The following PPP2R2B variants were observed in gnomAD, a reference collection of about 807,000 sequenced individuals.
PPP2R2B encodes protein phosphatase 2 regulatory subunit Bbeta, also known as serine/threonine-protein phosphatase 2A 55 kDa regulatory subunit B beta isoform.
Under a neutral mutation model 46.0 loss-of-function variants are expected in PPP2R2B, and 5 were observed. That is an observed-to-expected ratio of 0.11 (90% CI 0.06 to 0.23). The LOEUF (loss-of-function observed/expected upper bound fraction) is 0.23. PPP2R2B is among the 10% of genes least tolerant of loss of function. The pLI, the probability that PPP2R2B is intolerant of heterozygous loss-of-function variation, is 1.00. For synonymous variants in PPP2R2B, 215 were observed against 206.7 expected (o/e 1.04, Z -0.34); for missense variants, 367 against 575.0 (o/e 0.64, Z 3.70).
intron 1 of PPP2R2B, among the ~76,000 whole-genome samples, chr5:147,025,498 T>C (rs961209641): frequency 2.0e-5 from 3 of 151,850 alleles, no homozygotes; most frequent in African/African-American, 7.2e-5. Context: ...AAAATCTTTA[T>C]AACCTTAAGT....
intron 6 of PPP2R2B, among the ~76,000 whole-genome samples, chr5:146,641,381 A>T (rs912984205): frequency 2.0e-5 from 3 of 152,156 alleles, no homozygotes; most frequent in Admixed American, 1.3e-4. Context: ...TCCTTTGAAA[A>T]GACCCCCAGC....
chr5:146,923,010 G>A, intron 1 of PPP2R2B, among the ~76,000 whole-genome samples: 1 of 152,272 alleles, frequency 6.6e-6, no homozygotes, highest in East Asian at 1.9e-4. Flanking sequence ...AGGAAGCCAA[G>A]AAGAAAAATG....
chr5:146,810,988 C>T (rs1757506588), intron 2 of PPP2R2B, among the ~76,000 whole-genome samples: 1 of 150,274 alleles, frequency 6.7e-6, no homozygotes, highest in African/African-American at 2.4e-5. Flanking sequence ...GTTTTTTGTC[C>T]TTGTGATAGT....
At chr5:146,648,961 AG>A (rs1252560698) in intron 6 of PPP2R2B, among the ~76,000 whole-genome samples, 1 of 152,166 alleles carries the variant, frequency 6.6e-6, no homozygotes, top group Non-Finnish European at 1.5e-5. Flanking sequence ...TTTTATTCTG[AG>A]TTTAGTGGGA....
intron 1 of PPP2R2B, among the ~76,000 whole-genome samples, chr5:146,979,262 G>A (rs887739896): frequency 6.6e-6 from 1 of 151,732 alleles, no homozygotes; most frequent in Admixed American, 6.6e-5. Context: ...AACATCTCTG[G>A]CCCTTCTATC....
chr5:146,805,079 A>C (rs1241748692), intron 2 of PPP2R2B, among the ~76,000 whole-genome samples: 1 of 152,224 alleles, frequency 6.6e-6, no homozygotes, highest in East Asian at 1.9e-4. Flanking sequence ...GGAAGAGATT[A>C]ACTTTATTGC....
At chr5:147,006,612 A>G (rs1754452779) in intron 1 of PPP2R2B, among the ~76,000 whole-genome samples, 1 of 152,128 alleles carries the variant, frequency 6.6e-6, no homozygotes, top group Non-Finnish European at 1.5e-5. Flanking sequence ...CCACACTCTC[A>G]GAGGATTTCT....
At chr5:147,005,982 G>A (rs980392830) in intron 1 of PPP2R2B, among the ~76,000 whole-genome samples, 5 of 152,256 alleles carry the variant, frequency 3.3e-5, no homozygotes, top group East Asian at 1.9e-4. Flanking sequence ...GGCATAACCC[G>A]AAAACACTGA....
At chr5:146,711,607 T>C (rs528230946) in intron 2 of PPP2R2B, among the ~76,000 whole-genome samples, 3 of 152,272 alleles carry the variant, frequency 2.0e-5, no homozygotes, top group South Asian at 2.1e-4. Context: ...AGGGTCCTAC[T>C]TGGGAGAGGG....
rs756153527 is a variant in PPP2R2B, at chr5:146,600,254, A to G, written c.960+37T>C. 3 of 1,592,808 alleles carry G rather than the reference A, an allele frequency of 1.9e-6. No individual in the cohort carries two copies. In the African/African-American group the frequency reaches 4.1e-5, roughly 22 times the overall value. ...GCTGACTTAAAAGCTCATGAAGGGA[A>G]TGTTCAATATACCTATGGGTGCCTG... On this transcript the variant is annotated intron_variant, in intron 8 of 9. Transcript: ENST00000394411.
At chr5:146,904,837 A>G (rs2151800824) in intron 1 of PPP2R2B, among the ~76,000 whole-genome samples, 1 of 152,318 alleles carries the variant, frequency 6.6e-6, no homozygotes, top group African/African-American at 2.4e-5. Flanking sequence ...GGTTAACATT[A>G]ACATGAGGAA....
At chr5:146,687,025 A>ATGTG (rs200774528) in intron 5 of PPP2R2B, among the ~76,000 whole-genome samples, 1 of 138,982 alleles carries the variant, frequency 7.2e-6, no homozygotes, top group Non-Finnish European at 1.5e-5. Flanking sequence ...GTGTGTGTGT[A>ATGTG]TGTGTGTGTG....
chr5:146,722,195 C>T (rs1330801773), intron 2 of PPP2R2B, among the ~76,000 whole-genome samples: 1 of 152,140 alleles, frequency 6.6e-6, no homozygotes, highest in Non-Finnish European at 1.5e-5. Context: ...TTACTGAAGA[C>T]CTGCTATATG....
rs1435717112 is a variant in PPP2R2B, at chr5:146,587,669, C to T, written c.*2278G>A. 6.6e-6 allele frequency: 1 copy of T among 152,200 alleles called. No homozygotes were observed. Among genetic ancestry groups the T allele is most frequent in the Non-Finnish European group, 1.5e-5 (1 of 68,036 alleles). 9.4% of individuals were successfully genotyped at this position (152,200 alleles called of 1,614,324 possible). ...ACTCAGGGTCCCAAAGTTTGATACA[C>T]ATGCTCCTGGTGGTTCACAAAATGA... On this transcript the variant is annotated 3_prime_UTR_variant, in exon 10 of 10. Coordinates refer to ENST00000394411, the MANE Select transcript of PPP2R2B (RefSeq NM_181675.4).
At chr5:147,005,755 G>A (rs1467997530) in intron 1 of PPP2R2B, among the ~76,000 whole-genome samples, 1 of 152,012 alleles carries the variant, frequency 6.6e-6, no homozygotes, top group African/African-American at 2.4e-5. Context: ...AAGAAGGAAA[G>A]GAAGAGACAA....
chr5:146,684,959 C>A (rs1032060438), intron 5 of PPP2R2B, among the ~76,000 whole-genome samples: 2 of 152,180 alleles, frequency 1.3e-5, no homozygotes, highest in African/African-American at 2.4e-5. Flanking sequence ...ATTTAAGAAC[C>A]AATGATTGAA....
intron 9 of PPP2R2B, among the ~76,000 whole-genome samples, chr5:146,592,553 T>C (rs1770761502): frequency 6.6e-6 from 1 of 152,262 alleles, no homozygotes; most frequent in Non-Finnish European, 1.5e-5. Flanking sequence ...GTTAATGAAC[T>C]ACCAGGGCCG....
At chr5:146,955,537 A>G (rs1258057601) in intron 1 of PPP2R2B, among the ~76,000 whole-genome samples, 1 of 152,190 alleles carries the variant, frequency 6.6e-6, no homozygotes, top group Non-Finnish European at 1.5e-5. Context: ...ATATGCTAGT[A>G]GTACTAGACC....
intron 2 of PPP2R2B, among the ~76,000 whole-genome samples, chr5:147,069,941 C>T (rs1208537056): frequency 1.3e-5 from 2 of 151,818 alleles, no homozygotes; most frequent in East Asian, 3.9e-4. Context: ...CAGACGCCTG[C>T]CACCATACCT....
Sources: allele counts gnomAD v4.1 joint callset (sites outside exome capture counted in the v4.1 genomes callset), GRCh38; gene constraint gnomAD v4.1.1; transcripts MANE v1.5; gene names NCBI Gene and HGNC (gene_info 2026-07-23, HGNC 2026-07-21).